Variants in TPD52L1 observed in about 807,000 individuals in gnomAD.
TPD52L1 encodes the protein tumor protein D53.
Under a neutral mutation model 28.7 loss-of-function variants are expected in TPD52L1, and 18 were observed. The observed-to-expected ratio is 0.63, with a 90% confidence interval of 0.43 to 0.93. TPD52L1 has a LOEUF of 0.93. Ranked by LOEUF, TPD52L1 falls within the 40% of genes least tolerant of loss-of-function variation. The pLI is 0.00. For synonymous variants in TPD52L1, 75 were observed against 88.8 expected, an observed-to-expected ratio of 0.84 and a Z score of 0.88; for missense variants, 203 against 254.8, an observed-to-expected ratio of 0.80 and a Z score of 1.39.
intron 1 of TPD52L1, among the ~76,000 whole-genome samples, chr6:125,173,917 A>T (rs1293485540): frequency 1.3e-5 from 2 of 152,210 alleles, no homozygotes; most frequent in Non-Finnish European, 2.9e-5. Flanking sequence ...AAGAAAGCAA[A>T]CTAAAGGGCC....
At chr6:125,241,286 G>A (rs1166295050) in intron 3 of TPD52L1, among the ~76,000 whole-genome samples, 1 of 151,762 alleles carries the variant, frequency 6.6e-6, no homozygotes, top group Non-Finnish European at 1.5e-5. Context: ...TTCTTTTCTT[G>A]TTATGTCCTT....
At chr6:125,174,306 C>T (rs4896782) in intron 1 of TPD52L1, among the ~76,000 whole-genome samples, 9,491 of 152,180 alleles carry the variant, frequency 0.062, 577 homozygotes, top group East Asian at 0.33. Context: ...ACCCTATTTT[C>T]GTTATAGCAG....
chr6:125,172,074 TTCTTTC>T (rs1289105242), intron 1 of TPD52L1, among the ~76,000 whole-genome samples: 1 of 134,760 alleles, frequency 7.4e-6, no homozygotes, highest in African/African-American at 3.5e-5. Flanking sequence ...CTTTCTTTCT[TTCTTTC>T]TCTTTCTTTC....
chr6:125,193,128 G>C (rs1484876364), intron 1 of TPD52L1, among the ~76,000 whole-genome samples: 1 of 152,148 alleles, frequency 6.6e-6, no homozygotes, highest in Non-Finnish European at 1.5e-5. Context: ...GGATCACTCT[G>C]CTGATAATTG....
intron 1 of TPD52L1, among the ~76,000 whole-genome samples, chr6:125,172,205 C>CT (rs869133751): frequency 9.1e-5 from 9 of 98,900 alleles, no homozygotes; most frequent in Non-Finnish European, 1.3e-4. Flanking sequence ...TTCTTTCTTT[C>CT]TTCTTTCTTT....
intron 1 of TPD52L1, among the ~76,000 whole-genome samples, chr6:125,210,223 AGAATGAAT>A (rs537255455): frequency 6.6e-6 from 1 of 152,232 alleles, no homozygotes; most frequent in Non-Finnish European, 1.5e-5. Context: ...GTTCGTTAAA[AGAATGAAT>A]GAATGAATGA....
intron 5 of TPD52L1, among the ~76,000 whole-genome samples, chr6:125,256,174 C>G (rs367607680): frequency 6.6e-6 from 1 of 151,996 alleles, no homozygotes. Flanking sequence ...ATGGTGAAAC[C>G]CCATCTCTAC....
chr6:125,167,187 T>G (rs929825893), intron 1 of TPD52L1, among the ~76,000 whole-genome samples: 32 of 151,934 alleles, frequency 2.1e-4, no homozygotes, highest in African/African-American at 7.7e-4. Context: ...TGACTTGAGC[T>G]TAGGAGGTGT....
chr6:125,187,730 T>C (rs1232163501), intron 1 of TPD52L1, among the ~76,000 whole-genome samples: 2 of 152,186 alleles, frequency 1.3e-5, no homozygotes, highest in Non-Finnish European at 2.9e-5. Flanking sequence ...TGTATAATTA[T>C]ATATACTGTA....
intron 6 of TPD52L1, chr6:125,261,007 AAAG>A (rs1797989912): frequency 1.9e-4 from 9 of 46,708 alleles, no homozygotes; most frequent in South Asian, 1.0e-3. Flanking sequence ...AGAAAGAAAG[AAAG>A]AAAGAAAGAA....
intron 1 of TPD52L1, among the ~76,000 whole-genome samples, chr6:125,171,197 T>C (rs141793455): frequency 1.6e-3 from 241 of 152,246 alleles, no homozygotes; most frequent in African/African-American, 5.6e-3. Flanking sequence ...GAATGAGCCA[T>C]TTGTGTTTTA....
intron 3 of TPD52L1, chr6:125,234,444 T>A (rs140500079): frequency 6.6e-6 from 1 of 152,196 alleles, no homozygotes; most frequent in Non-Finnish European, 1.5e-5. Flanking sequence ...GAACACAGAC[T>A]TGAAGCATAT....
At chr6:125,223,570 A>G (rs1325860855) in intron 2 of TPD52L1, among the ~76,000 whole-genome samples, 2 of 152,010 alleles carry the variant, frequency 1.3e-5, no homozygotes, top group African/African-American at 4.8e-5. Flanking sequence ...TTAGTCAGGC[A>G]TGGTGGCATG....
At position 125,235,784 on chromosome 6, in the gene TPD52L1, T is replaced by C. The variant is rs188804957; in HGVS notation, c.284+6518T>C. ...AGCTGGGCTCAGTGGCGCTTGCCTA[T>C]AATCCCAGCTGCTGGGGAGGCTAAG... On this transcript the variant is annotated intron_variant, in intron 3 of 6. Coordinates refer to ENST00000534000, the MANE Select transcript of TPD52L1 (RefSeq NM_003287.4). Among the ~76,000 whole-genome samples, 3 of 152,378 alleles carry C rather than the reference T, an allele frequency of 2.0e-5. No individual in the cohort carries two copies. The East Asian group carries it at 5.8e-4, about 29-fold the overall frequency.
At chr6:125,243,187 A>C (rs1796717270) in intron 3 of TPD52L1, among the ~76,000 whole-genome samples, 1 of 152,174 alleles carries the variant, frequency 6.6e-6, no homozygotes, top group South Asian at 2.1e-4. Context: ...TTAATCTGAT[A>C]GGTTTTCCTT....
intron 2 of TPD52L1, among the ~76,000 whole-genome samples, chr6:125,223,567 G>T (rs1052493910): frequency 6.6e-6 from 1 of 151,958 alleles, no homozygotes; most frequent in Non-Finnish European, 1.5e-5. Flanking sequence ...AAATTAGTCA[G>T]GCATGGTGGC....
At chr6:125,220,797 C>T (rs1425632569) in intron 2 of TPD52L1, among the ~76,000 whole-genome samples, 1 of 152,154 alleles carries the variant, frequency 6.6e-6, no homozygotes, top group African/African-American at 2.4e-5. Flanking sequence ...TATGAATACA[C>T]ATCTTTGTTC....
Position 125,263,219 on chromosome 6 carries a change from TG to T in TPD52L1, c.*259del. 2.2e-6 allele frequency: 1 copy of T among 456,484 alleles called. No individual in the cohort carries two copies. The highest frequency in any genetic ancestry group is 3.9e-6 in the Non-Finnish European group (1 of 257,060). The allele number at this position is 456,484 out of a possible 1,614,324, so 28.3% of individuals were successfully genotyped here. A position where few individuals can be genotyped will look rare whatever the true frequency, so the allele number is the denominator to read the frequency against. The stretch of plus-strand genomic sequence containing the variant: ...GTTCCCACTTGAGCAGGTACACAAC[TG>T]GTCATAATTCCTGTCTGTGTAATTC... On this transcript the variant is annotated 3_prime_UTR_variant, in exon 7 of 7. Transcript: ENST00000534000.
At chr6:125,253,794 A>T in intron 5 of TPD52L1, 39 bp downstream of exon 5, 1 of 1,543,238 alleles carries the variant, frequency 6.5e-7, no homozygotes, top group South Asian at 1.1e-5. Context: ...ATTAATATGA[A>T]ATGTGTTTAA....
Sources: gnomAD v4.1 joint callset for allele counts (sites outside exome capture counted in the v4.1 genomes callset) on GRCh38, gnomAD v4.1.1 for gene constraint, MANE v1.5 for transcripts, NCBI Gene and HGNC (gene_info 2026-07-23, HGNC 2026-07-21) for gene names.